Variants in MTMR1 observed in about 807,000 individuals in gnomAD.
MTMR1 encodes phosphatidylinositol-3-phosphate phosphatase MTMR1.
A neutral mutation model predicts 51.6 loss-of-function variants in MTMR1; 17 were observed. The ratio of observed to expected loss-of-function variants is 0.33; its 90% CI spans 0.23 to 0.49. The LOEUF is 0.49. Ranked by LOEUF, MTMR1 falls within the 20% of genes least tolerant of loss-of-function variation. MTMR1 has a pLI of 0.99. For synonymous variants in MTMR1, 201 were observed against 205.6 expected (o/e 0.98, Z 0.19); for missense variants, 386 against 526.9 (o/e 0.73, Z 2.62).
chrX:150,692,963 T>C (rs1603220063), upstream of MTMR1: 1 of 102,987 alleles, frequency 9.7e-6, no homozygotes, highest in East Asian at 3.0e-4. Context: ...GAGGGAAGAA[T>C]GGGGTGGGGA....
At chrX:150,758,363 C>A (rs1397217779) in intron 15 of MTMR1, among the ~76,000 whole-genome samples, 9 of 111,985 alleles carry the variant, frequency 8.0e-5, no homozygotes, top group African/African-American at 2.9e-4. Flanking sequence ...CCAGAGAGGC[C>A]TTTTGCTCCT....
intron 1 of MTMR1, among the ~76,000 whole-genome samples, chrX:150,698,043 C>G (rs782133827): frequency 8.9e-6 from 1 of 112,022 alleles, no homozygotes; most frequent in Non-Finnish European, 1.9e-5. Context: ...GTAATCCCAG[C>G]ACTTTGGGAG....
chrX:150,724,532 CT>C (rs2041866834), intron 4 of MTMR1, among the ~76,000 whole-genome samples: 1 of 111,822 alleles, frequency 8.9e-6, no homozygotes, highest in Non-Finnish European at 1.9e-5. Flanking sequence ...TTCTCCCATT[CT>C]GTAGGCTGTT....
chrX:150,755,656 A>G (rs200593466), intron 14 of MTMR1, 33 bp from the exon 15 acceptor site: 5 of 1,067,755 alleles, frequency 4.7e-6, no homozygotes, highest in East Asian at 3.1e-5. Flanking sequence ...TATGAAGAAA[A>G]GTTTATTTCC....
intron 1 of MTMR1, among the ~76,000 whole-genome samples, chrX:150,695,299 G>T (rs1005854083): frequency 8.9e-6 from 1 of 112,151 alleles, no homozygotes; most frequent in African/African-American, 3.3e-5. Flanking sequence ...ACTTTGTGCA[G>T]AGGAGTGACA....
intron 12 of MTMR1, among the ~76,000 whole-genome samples, chrX:150,741,460 C>T (rs935442138): frequency 1.8e-5 from 2 of 112,417 alleles, no homozygotes; most frequent in Admixed American, 9.4e-5. Context: ...CTGTCCCTCC[C>T]TGTTCCTTCC....
chrX:150,751,910 CTTTTTTTT>C (rs35937277), intron 14 of MTMR1, among the ~76,000 whole-genome samples: 1,123 of 41,640 alleles, frequency 0.027, 38 homozygotes, highest in African/African-American at 0.11. Flanking sequence ...CTTTTTCTTT[CTTTTTTTT>C]TTTTTTTTTT....
chrX:150,730,354 G>C (rs1277608772), intron 7 of MTMR1, 144 bp downstream of exon 7: 2 of 522,315 alleles, frequency 3.8e-6, no homozygotes, highest in East Asian at 8.2e-5. Context: ...TTTGAAATTT[G>C]TCAGTTCTGG....
intron 6 of MTMR1, 85 bp from the exon 7 acceptor site, chrX:150,730,024 A>C (rs1328254972): frequency 1.8e-6 from 1 of 560,414 alleles, no homozygotes; most frequent in Non-Finnish European, 2.8e-6. Flanking sequence ...TTAAAAAAAA[A>C]TAATTTCCTT....
intron 10 of MTMR1, 50 bp from the exon 11 acceptor site, chrX:150,736,540 AAGAAT>A: frequency 9.0e-7 from 1 of 1,112,500 alleles, no homozygotes; most frequent in Non-Finnish European, 1.2e-6. Flanking sequence ...TAGCACTAGA[AAGAAT>A]AGAAAAGTTA....
At chrX:150,730,424 T>C in intron 7 of MTMR1, 101 bp from the exon 8 acceptor site, 1 of 604,309 alleles carries the variant, frequency 1.7e-6, no homozygotes, top group Non-Finnish European at 2.5e-6. Context: ...AAAATAGGAA[T>C]CTTAATACAC....
intron 3 of MTMR1, among the ~76,000 whole-genome samples, chrX:150,713,781 G>A (rs1431166353): frequency 8.9e-6 from 1 of 111,840 alleles, no homozygotes; most frequent in Non-Finnish European, 1.9e-5. Context: ...AATTAAAGAT[G>A]TGTGGCCTTT....
At chrX:150,729,873 G>A (rs782466701) in intron 6 of MTMR1, among the ~76,000 whole-genome samples, 2 of 111,442 alleles carry the variant, frequency 1.8e-5, no homozygotes, top group South Asian at 3.8e-4. Flanking sequence ...GCAAAAATTA[G>A]CCGGTAGTGG....
intron 2 of MTMR1, among the ~76,000 whole-genome samples, chrX:150,708,878 G>A (rs1185529119): frequency 1.8e-5 from 2 of 111,736 alleles, no homozygotes; most frequent in East Asian, 2.8e-4. Context: ...TGTGTGGTTC[G>A]CCTGAGGTCC....
chrX:150,702,355 T>C (rs782782820), intron 2 of MTMR1, among the ~76,000 whole-genome samples: 21 of 111,611 alleles, frequency 1.9e-4, no homozygotes, highest in Non-Finnish European at 3.8e-4. Context: ...GGGAAACAAG[T>C]GTCTCATATA....
chrX:150,709,759 A>T (rs1225214724), intron 2 of MTMR1, among the ~76,000 whole-genome samples: 1 of 111,384 alleles, frequency 9.0e-6, no homozygotes, highest in African/African-American at 3.3e-5. Flanking sequence ...ACCAGATCTC[A>T]AAAGAATTAA....
chrX:150,751,051 C>T (rs782684697), intron 14 of MTMR1: 45 of 1,146,094 alleles, frequency 3.9e-5, no homozygotes, highest in Non-Finnish European at 4.0e-5. Context: ...TGGGACCCAG[C>T]GAGCCCGTGG....
At chrX:150,712,501 G>A in intron 3 of MTMR1, 136 bp downstream of exon 3, 1 of 571,866 alleles carries the variant, frequency 1.7e-6, no homozygotes, top group East Asian at 3.8e-5. Flanking sequence ...GCTCTGCTGT[G>A]TTATAGCTTT....
chrX:150,749,766 A>G (rs1218270955), intron 13 of MTMR1, among the ~76,000 whole-genome samples: 1 of 112,311 alleles, frequency 8.9e-6, no homozygotes, highest in African/African-American at 3.2e-5. Context: ...TTACATTCGT[A>G]AAGTAAACCC....
Sources: gnomAD v4.1 joint callset for allele counts (sites outside exome capture counted in the v4.1 genomes callset) on GRCh38, gnomAD v4.1.1 for gene constraint, MANE v1.5 for transcripts, NCBI Gene and HGNC (gene_info 2026-07-23, HGNC 2026-07-21) for gene names.